Variants in CAB39 observed in about 807,000 individuals in gnomAD.
CAB39 encodes calcium-binding protein 39.
In CAB39, 8 loss-of-function variants were observed where a neutral mutation model predicts 40.0. The ratio of observed to expected loss-of-function variants is 0.20; its 90% confidence interval spans 0.12 to 0.36. CAB39 has a LOEUF of 0.36. Among genes scored for constraint, CAB39 ranks in the 10% least tolerant of loss-of-function variants. The pLI is 1.00. For synonymous variants in CAB39, 156 were observed against 141.6 expected (o/e 1.10, Z -0.72); for missense variants, 270 against 401.1 (o/e 0.67, Z 2.79).
intron 6 of CAB39, among the ~76,000 whole-genome samples, chr2:230,810,788 G>A (rs1388782134): frequency 3.9e-5 from 6 of 152,288 alleles, no homozygotes; most frequent in Admixed American, 1.3e-4. Flanking sequence ...GCAGTTAACC[G>A]CTTGGGGACT....
chr2:230,798,800 C>A lies in CAB39; in HGVS notation c.470C>A (p.Ala157Glu), dbSNP rs144835415. 3 of 1,610,880 alleles carry A rather than the reference C, an allele frequency of 1.9e-6. No homozygotes were observed. Among genetic ancestry groups the A allele is most frequent in the Admixed American group, 3.3e-5 (2 of 59,950 alleles). ...GAATGCATCAGACATGAACCACTTGCAAAAATCATTTTGTGGTCGGAACAG... is the reference window on the plus strand; with the variant it reads ...GAATGCATCAGACATGAACCACTTGAAAAAATCATTTTGTGGTCGGAACAG... ...LRECIRHEPL[A>E]KIILWSEQFY... Residue 157 changes from alanine to glutamate, a missense_variant, in exon 5 of 9, where the codon GCA (alanine) becomes GAA (glutamate). Transcript: ENST00000258418.
chr2:230,795,044 G>A (rs1469082874), intron 4 of CAB39, among the ~76,000 whole-genome samples: 1 of 152,184 alleles, frequency 6.6e-6, no homozygotes, highest in Non-Finnish European at 1.5e-5. Context: ...GGGAGGCCAA[G>A]GCGGGTGGAT....
At chr2:230,719,373 A>G (rs757542746) in intron 1 of CAB39, among the ~76,000 whole-genome samples, 1 of 152,240 alleles carries the variant, frequency 6.6e-6, no homozygotes, top group Non-Finnish European at 1.5e-5. Flanking sequence ...TGACTCCCTC[A>G]TGAAATAATT....
intron 4 of CAB39, among the ~76,000 whole-genome samples, chr2:230,795,054 T>C (rs538689474): frequency 1.4e-4 from 22 of 152,114 alleles, no homozygotes; most frequent in Non-Finnish European, 2.6e-4. Flanking sequence ...GGCGGGTGGA[T>C]CACTTGAGTC....
intron 2 of CAB39, among the ~76,000 whole-genome samples, chr2:230,785,371 G>T (rs1323669989): frequency 2.0e-5 from 3 of 150,906 alleles, no homozygotes; most frequent in East Asian, 3.9e-4. Flanking sequence ...CTGGGCAGGG[G>T]CGCGTGGGCA....
intron 1 of CAB39, among the ~76,000 whole-genome samples, chr2:230,721,866 C>T (rs1694459259): frequency 2.0e-5 from 3 of 152,000 alleles, no homozygotes; most frequent in Non-Finnish European, 4.4e-5. Context: ...AAGAACACAC[C>T]CTCCCCCCCA....
At chr2:230,732,260 T>A (rs1694706005) in intron 1 of CAB39, among the ~76,000 whole-genome samples, 1 of 152,146 alleles carries the variant, frequency 6.6e-6, no homozygotes, top group Non-Finnish European at 1.5e-5. Context: ...TTTTTGTATT[T>A]TTTAGTGGAG....
chr2:230,724,731 A>T (rs1326882845), intron 1 of CAB39, among the ~76,000 whole-genome samples: 3 of 141,974 alleles, frequency 2.1e-5, no homozygotes, highest in Non-Finnish European at 1.5e-5. Context: ...AACCTCTATG[A>T]GTAGTTTACC....
At chr2:230,775,319 T>TC (rs1695567705) in intron 2 of CAB39, among the ~76,000 whole-genome samples, 1 of 150,394 alleles carries the variant, frequency 6.6e-6, no homozygotes, top group South Asian at 2.1e-4. Context: ...CACCGCAACC[T>TC]CCGCCTCCCG....
intron 1 of CAB39, among the ~76,000 whole-genome samples, chr2:230,756,057 C>G (rs961744279): frequency 2.0e-5 from 3 of 152,168 alleles, no homozygotes; most frequent in East Asian, 1.9e-4. Flanking sequence ...GAAAGCAGTA[C>G]CAGCTGAAGA....
chr2:230,773,314 A>ATATATATGTGTGTGTGTGTG lies in CAB39; in HGVS notation c.114+13200_114+13201insATATATGTGTGTGTGTGTGT, dbSNP rs371297550. Among the ~76,000 whole-genome samples, 68 of 132,678 alleles carry ATATATATGTGTGTGTGTGTG rather than the reference A, an allele frequency of 5.1e-4. 1 individual carries two copies. The highest frequency in any genetic ancestry group is 2.0e-3 in the African/African-American group (65 of 32,414). The allele number at this position is 132,678 out of a possible 152,430, so 87.0% of individuals were successfully genotyped here. A position where few individuals can be genotyped will look rare whatever the true frequency, so the allele number is the denominator to read the frequency against. ...GGTGTATGTGTATATATATATATAT[A>ATATATATGTGTGTGTGTGTG]TGTGTGTGTGTGTGTGTGTGTGTGT... On this transcript the variant is annotated intron_variant, in intron 2 of 8. Transcript: ENST00000258418.
chr2:230,768,636 T>A (rs1695430721), intron 2 of CAB39, among the ~76,000 whole-genome samples: 1 of 152,180 alleles, frequency 6.6e-6, no homozygotes, highest in Non-Finnish European at 1.5e-5. Flanking sequence ...TAGCACATTC[T>A]ATGGGTGACT....
intron 1 of CAB39, among the ~76,000 whole-genome samples, chr2:230,753,963 C>G (rs777336349): frequency 3.3e-5 from 5 of 152,082 alleles, no homozygotes; most frequent in Non-Finnish European, 7.4e-5. Context: ...CACACACCCA[C>G]CAACCATCTA....
At chr2:230,741,915 ATAAC>A (rs1432181109) in intron 1 of CAB39, among the ~76,000 whole-genome samples, 3 of 152,306 alleles carry the variant, frequency 2.0e-5, no homozygotes, top group African/African-American at 7.2e-5. Flanking sequence ...TTTTTTGTCT[ATAAC>A]TAAGCAGTGC....
At chr2:230,784,113 A>G (rs937104577) in intron 2 of CAB39, among the ~76,000 whole-genome samples, 3 of 152,168 alleles carry the variant, frequency 2.0e-5, no homozygotes, top group Non-Finnish European at 2.9e-5. Context: ...TGGTGATGGT[A>G]GACGGGGATA....
intron 2 of CAB39, among the ~76,000 whole-genome samples, chr2:230,780,469 G>A (rs1398811424): frequency 6.6e-6 from 1 of 152,192 alleles, no homozygotes; most frequent in Non-Finnish European, 1.5e-5. Flanking sequence ...CATGTAAGGA[G>A]TCGTAACATC....
At chr2:230,799,094 A>G in intron 5 of CAB39, 197 bp downstream of exon 5, 1 of 483,892 alleles carries the variant, frequency 2.1e-6, no homozygotes, top group East Asian at 3.2e-5. Context: ...TAGATTCTAA[A>G]GTCTATCTAA....
intron 5 of CAB39, among the ~76,000 whole-genome samples, chr2:230,809,191 C>T (rs1046673384): frequency 1.3e-5 from 2 of 152,204 alleles, no homozygotes; most frequent in African/African-American, 4.8e-5. Flanking sequence ...CCTGTGCAGT[C>T]TAGGACCTGA....
intron 5 of CAB39, among the ~76,000 whole-genome samples, chr2:230,808,419 A>G (rs549201047): frequency 6.6e-6 from 1 of 152,226 alleles, no homozygotes; most frequent in African/African-American, 2.4e-5. Context: ...ATAGCGGGAC[A>G]TCAGCCATAA....
Sources: allele counts gnomAD v4.1 joint callset (sites outside exome capture counted in the v4.1 genomes callset), GRCh38; gene constraint gnomAD v4.1.1; transcripts MANE v1.5; gene names NCBI Gene and HGNC (gene_info 2026-07-23, HGNC 2026-07-21).